The following RO60 variants were observed in gnomAD, a reference collection of about 807,000 sequenced individuals.
RO60 encodes the protein Ro60, Y RNA binding protein, also known as RNA-binding protein RO60.
In RO60, 20 loss-of-function variants were observed where a neutral mutation model predicts 55.3. That is an observed-to-expected ratio of 0.36 (90% CI 0.25 to 0.53). RO60 has a LOEUF of 0.53. Among genes scored for constraint, RO60 ranks in the 20% least tolerant of loss-of-function variants. The pLI is 0.92. For synonymous variants in RO60, 213 were observed against 213.6 expected, an observed-to-expected ratio of 1.00 and a Z score of 0.02; for missense variants, 558 against 646.6, an observed-to-expected ratio of 0.86 and a Z score of 1.49.
At chr1:193,083,050 A>G (rs945639796) in intron 8 of RO60, among the ~76,000 whole-genome samples, 3 of 152,114 alleles carry the variant, frequency 2.0e-5, no homozygotes, top group Non-Finnish European at 2.9e-5. Context: ...ACACCTGGCC[A>G]TTCTTGATTC....
chr1:193,076,596 A>C lies in RO60; in HGVS notation c.897A>C (p.Ser299=). ...TANSVLEPGN[S]EVSLVCEKLC... ...ATTCAGTACTTGAACCAGGAAATTC[A>C]GAAGTATCTTTAGTATGTGAAAAAC... The change falls in exon 4 of 9, where the codon TCA becomes TCC. Residue 299 remains serine, a synonymous_variant. Coordinates refer to ENST00000400968, the MANE Select transcript of RO60 (RefSeq NM_001173524.2). 1 of 1,610,824 alleles carries C rather than the reference A, an allele frequency of 6.2e-7. No homozygotes were observed. Among genetic ancestry groups the C allele is most frequent in the Non-Finnish European group, 8.5e-7 (1 of 1,178,674 alleles).
At chr1:193,070,528 C>CTTTT in intron 2 of RO60, 14 of 365,890 alleles carry the variant, frequency 3.8e-5, no homozygotes, top group East Asian at 8.4e-5. Flanking sequence ...CAAAATTTGA[C>CTTTT]TTTTTTTTTT....
chr1:193,081,505 C>A, intron 6 of RO60, 25 bp downstream of exon 6: 1 of 1,417,608 alleles, frequency 7.1e-7, no homozygotes, highest in South Asian at 1.2e-5. Context: ...GACAATTTTG[C>A]CATTCTAAAA....
chr1:193,060,224 T>G, intron 1 of RO60: 7 of 742,116 alleles, frequency 9.4e-6, no homozygotes, highest in Non-Finnish European at 1.3e-5. Flanking sequence ...AGGAGAAAGG[T>G]TTGTCCATGG....
rs137941949 is a variant in RO60 at position 193,064,402 on chromosome 1, G to A, written c.-22+4626G>A. On this transcript the variant is annotated intron_variant, in intron 1 of 8. Transcript: ENST00000400968. ...CTCCTATTTCTCAGGAAATACCACGGGTTTTTGAAACTTTCTGCTGGGTAT... is the reference window on the plus strand; with the variant it reads ...CTCCTATTTCTCAGGAAATACCACGAGTTTTTGAAACTTTCTGCTGGGTAT... Among the ~76,000 whole-genome samples, 4 of 152,212 alleles carry A rather than the reference G, an allele frequency of 2.6e-5. No individual in the cohort carries two copies. In the East Asian group the frequency reaches 7.7e-4, roughly 29 times the overall value.
intron 1 of RO60, among the ~76,000 whole-genome samples, chr1:193,064,216 A>T (rs1018827328): frequency 1.3e-5 from 2 of 152,238 alleles, no homozygotes; most frequent in Admixed American, 6.5e-5. Flanking sequence ...TGATTAAATC[A>T]TTAGCTACAT....
At chr1:193,074,400 T>G (rs976002799) in intron 2 of RO60, among the ~76,000 whole-genome samples, 1 of 152,204 alleles carries the variant, frequency 6.6e-6, no homozygotes, top group African/African-American at 2.4e-5. Context: ...CAGCACCTGT[T>G]GTTTCCTGAC....
chr1:193,080,534 AT>A lies in RO60; in HGVS notation c.1087-828del, dbSNP rs1572099272. 2.0e-5 allele frequency among the ~76,000 whole-genome samples: 3 copies of A among 152,314 alleles called. No homozygotes were observed. In the East Asian group the frequency reaches 5.8e-4, roughly 29 times the overall value. On this transcript the variant is annotated intron_variant, in intron 5 of 8. Coordinates refer to ENST00000400968, the MANE Select transcript of RO60 (RefSeq NM_001173524.2). Reference sequence around the variant, plus strand: ...ATTCTTGTCTTTTATTTTTGATGCTATTGTGAACAAATGTTTTCTTAGTTTT... The same window carrying A: ...ATTCTTGTCTTTTATTTTTGATGCTATGTGAACAAATGTTTTCTTAGTTTT...
intron 1 of RO60, among the ~76,000 whole-genome samples, chr1:193,067,153 T>C (rs1572064960): frequency 6.6e-6 from 1 of 151,636 alleles, no homozygotes; most frequent in South Asian, 2.1e-4. Context: ...GATTTTCCTG[T>C]GATGAGGAGA....
In RO60 at chr1:193,085,615, G is replaced by C. The variant is rs1674593652; in HGVS notation, c.*884G>C. On this transcript the variant is annotated 3_prime_UTR_variant, in exon 9 of 9. Transcript: ENST00000400968. The stretch of plus-strand genomic sequence containing the variant: ...CGCTTAACTCCCCCTCATTCACAAA[G>C]TATAACAATTAAAATCTCAACTATA... 1.0e-6 allele frequency: 1 copy of C among 984,284 alleles called. No homozygotes were observed. Among genetic ancestry groups the C allele is most frequent in the Admixed American group, 6.2e-5 (1 of 16,226 alleles). 61.0% of individuals were successfully genotyped at this position (984,284 alleles called of 1,614,324 possible). A position where few individuals can be genotyped will look rare whatever the true frequency, so the allele number is the denominator to read the frequency against.
Position 193,085,848 on chromosome 1 carries a change from C to T in RO60, c.*1117C>T, listed in dbSNP as rs1674603037. On this transcript the variant is annotated 3_prime_UTR_variant, in exon 9 of 9. Transcript: ENST00000400968. Reference sequence around the variant, plus strand: ...AGGCAATTTTTGAGTAGCATATTACCAGCTAGCCAGTCACTAGGAATTTTT... The same window carrying T: ...AGGCAATTTTTGAGTAGCATATTACTAGCTAGCCAGTCACTAGGAATTTTT... The T allele has an allele frequency of 1.0e-6, 1 of 985,136 alleles. No homozygotes were observed. The highest frequency in any genetic ancestry group is 1.2e-6 in the Non-Finnish European group (1 of 829,814). The allele number at this position is 985,136 out of a possible 1,614,324, so 61.0% of individuals were successfully genotyped here.
chr1:193,085,769 CTTCT>C lies in RO60; in HGVS notation c.*1041_*1044del, dbSNP rs1674600534. The C allele has an allele frequency of 7.1e-6, 7 of 984,714 alleles. No individual in the cohort carries two copies. Among genetic ancestry groups the C allele is most frequent in the Non-Finnish European group, 8.4e-6 (7 of 829,600 alleles). 61.0% of individuals were successfully genotyped at this position (984,714 alleles called of 1,614,324 possible). A position where few individuals can be genotyped will look rare whatever the true frequency, so the allele number is the denominator to read the frequency against. ...ATTATTCATTTTGTGGCAAAATATT[CTTCT>C]TTGATAGTGTAAACAAATAATAAAG... On this transcript the variant is annotated 3_prime_UTR_variant, in exon 9 of 9. Transcript: ENST00000400968.
chr1:193,062,627 C>G (rs1246156808), intron 1 of RO60, among the ~76,000 whole-genome samples: 1 of 152,162 alleles, frequency 6.6e-6, no homozygotes, highest in African/African-American at 2.4e-5. Context: ...AATTTCTGAA[C>G]ATTTTCATCA....
rs145943712 is a variant in RO60 at position 193,088,162 on chromosome 1, CTTTTTTTT to C, written c.*3455_*3462del. 4.5e-5 allele frequency: 2 copies of C among 44,380 alleles called. No homozygotes were observed. Among genetic ancestry groups the C allele is most frequent in the Non-Finnish European group, 3.8e-5 (1 of 26,642 alleles). The allele number at this position is 44,380 out of a possible 1,614,324, so 2.7% of individuals were successfully genotyped here. ...GGTGTGCACTGCACTACCACGCCTG[CTTTTTTTT>C]TTTTTTTTTTTTTTTTTTTTTTTAA... On this transcript the variant is annotated 3_prime_UTR_variant, in exon 9 of 9. Coordinates refer to ENST00000400968, the MANE Select transcript of RO60 (RefSeq NM_001173524.2).
rs41265201 is a variant in RO60, at chr1:193,059,916, C to G, written c.-22+140C>G. 1.5e-6 allele frequency: 2 copies of G among 1,365,952 alleles called. No individual in the cohort carries two copies. The highest frequency in any genetic ancestry group is 1.1e-5 in the South Asian group (1 of 87,918). The allele number at this position is 1,365,952 out of a possible 1,614,324, so 84.6% of individuals were successfully genotyped here. A position where few individuals can be genotyped will look rare whatever the true frequency, so the allele number is the denominator to read the frequency against. On this transcript the variant is annotated intron_variant, in intron 1 of 8. Transcript: ENST00000400968. This position sits in a 1 kb window ranked among gnomAD's most constrained non-coding sequence, Gnocchi z 4.9. ...ACGCCGCGAAACTATCGCTCTTCCC[C>G]GTCCCGCTTCCGCGCCTGTCCACCC...
At position 193,076,041 on chromosome 1, in the gene RO60, G is replaced by T. The variant is rs759259770; in HGVS notation, c.801+1G>T. 1 of 1,590,800 alleles carries T rather than the reference G, an allele frequency of 6.3e-7. No homozygotes were observed. Among genetic ancestry groups the T allele is most frequent in the South Asian group, 1.1e-5 (1 of 88,536 alleles). The stretch of plus-strand genomic sequence containing the variant: ...AACAAATCACTTAAAGTCTAAAGAG[G>T]TGAGTGAATTATATGTTACAGCATG... On this transcript the variant is annotated splice_donor_variant, in intron 3 of 8. Transcript: ENST00000400968. LOFTEE classifies it high-confidence loss of function.
chr1:193,082,963 C>T (rs1674418271), intron 8 of RO60, among the ~76,000 whole-genome samples: 1 of 151,888 alleles, frequency 6.6e-6, no homozygotes, highest in African/African-American at 2.4e-5. Flanking sequence ...CACCATGTTG[C>T]CCAGGCTGGT....
In RO60 at chr1:193,090,405, C is replaced by CA. The variant is rs1350929397; in HGVS notation, c.*5677dup. On this transcript the variant is annotated 3_prime_UTR_variant, in exon 9 of 9. Transcript: ENST00000400968. ...AAATATACAATTAATGAATAGTACT[C>CA]AAAGTGTTTTTGTTGCACTGTTACT... 1 of 151,242 alleles carries CA rather than the reference C, an allele frequency of 6.6e-6. No individual in the cohort carries two copies. The highest frequency in any genetic ancestry group is 6.6e-5 in the Admixed American group (1 of 15,090). 9.4% of individuals were successfully genotyped at this position (151,242 alleles called of 1,614,324 possible). A position where few individuals can be genotyped will look rare whatever the true frequency, so the allele number is the denominator to read the frequency against.
At chr1:193,081,319 ATAATTTCTGTTAT>A in intron 5 of RO60, 32 bp from the exon 6 acceptor site, 4 of 1,127,932 alleles carry the variant, frequency 3.5e-6, no homozygotes, top group Non-Finnish European at 5.3e-6. Flanking sequence ...TAGTCTACTT[ATAATTTCTGTTAT>A]GCTTTTAATG....
Sources: gnomAD v4.1 joint callset for allele counts (sites outside exome capture counted in the v4.1 genomes callset) on GRCh38, gnomAD v4.1.1 for gene constraint, Gnocchi (gnomAD v3.1) non-coding constraint, MANE v1.5 for transcripts, NCBI Gene and HGNC (gene_info 2026-07-23, HGNC 2026-07-21) for gene names.